SLC38A6: variants seen among roughly 807,000 people sequenced by gnomAD.
SLC38A6 encodes N system amino acid transporter NAT-1.
In SLC38A6, 73 loss-of-function variants were observed where a neutral mutation model predicts 65.0. That is an observed-to-expected ratio of 1.12 (90% CI 0.93 to 1.37). The LOEUF is 1.37. Ranked by LOEUF, SLC38A6 falls within the 40% of genes most tolerant of loss-of-function variation. The pLI, the probability that SLC38A6 is intolerant of heterozygous loss-of-function variation, is 0.00. For missense variants in SLC38A6, 561 were observed against 531.1 expected (o/e 1.06, Z -0.55); for synonymous variants, 183 against 178.8 (o/e 1.02, Z -0.19).
At position 61,075,777 on chromosome 14, in the gene SLC38A6, TTGTGTGTGTGTGTGTGTGTGTGTGTG is replaced by T. The variant is rs57421102; in HGVS notation, c.1291-3003_1291-2978del. Among the ~76,000 whole-genome samples the T allele has an allele frequency of 3.9e-4, 48 of 123,392 alleles. 1 individual carries two copies. Among genetic ancestry groups the T allele is most frequent in the East Asian group, 1.5e-3 (6 of 4,066 alleles). 80.9% of individuals were successfully genotyped at this position (123,392 alleles called of 152,430 possible). On this transcript the variant is annotated intron_variant, in intron 15 of 16. Transcript: ENST00000354886. ...AAGAACGTGCCATAGATCAACCTGT[TTGTGTGTGTGTGTGTGTGTGTGTGTG>T]TGTGTGTGTGTGTGTGTGTGTGTGT...
intron 2 of SLC38A6, among the ~76,000 whole-genome samples, chr14:60,983,265 C>CG (rs1182071441): frequency 1.3e-5 from 2 of 152,090 alleles, no homozygotes; most frequent in Non-Finnish European, 2.9e-5. Context: ...TCAAGGCAGG[C>CG]GGATCACTGG....
intron 16 of SLC38A6, among the ~76,000 whole-genome samples, chr14:61,082,167 A>AC (rs1181103738): frequency 1.3e-5 from 2 of 151,994 alleles, no homozygotes; most frequent in African/African-American, 2.4e-5. Flanking sequence ...CCCCCGCACC[A>AC]CCCTCACCTA....
At chr14:61,075,330 AGCCTTAT>A (rs1260385641) in intron 15 of SLC38A6, among the ~76,000 whole-genome samples, 3 of 152,218 alleles carry the variant, frequency 2.0e-5, no homozygotes, top group Admixed American at 2.0e-4. Context: ...GAACACATAC[AGCCTTAT>A]GCTATCCAGG....
intron 15 of SLC38A6, among the ~76,000 whole-genome samples, chr14:61,065,260 T>TG (rs1167791246): frequency 4.6e-5 from 7 of 152,226 alleles, no homozygotes; most frequent in Non-Finnish European, 7.3e-5. Flanking sequence ...AGCACGTTAC[T>TG]GGATCAACCC....
At chr14:61,069,686 T>C (rs2043160101) in intron 15 of SLC38A6, among the ~76,000 whole-genome samples, 2 of 152,222 alleles carry the variant, frequency 1.3e-5, no homozygotes, top group African/African-American at 2.4e-5. Flanking sequence ...TATGATTATT[T>C]TGGTATACCA....
At chr14:61,057,920 A>T (rs1307415241) in intron 15 of SLC38A6, among the ~76,000 whole-genome samples, 1 of 135,646 alleles carries the variant, frequency 7.4e-6, no homozygotes, top group Admixed American at 7.4e-5. Flanking sequence ...AGGTGTTTGT[A>T]GTATTCTCTC....
chr14:61,077,545 A>T (rs191261414), intron 15 of SLC38A6, among the ~76,000 whole-genome samples: 9 of 152,364 alleles, frequency 5.9e-5, no homozygotes, highest in Admixed American at 2.6e-4. Context: ...TGATATATCA[A>T]AAGTCAGTAA....
In SLC38A6 at chr14:61,043,061, T is replaced by C. The variant is rs1051562582; in HGVS notation, c.625-86T>C. On this transcript the variant is annotated intron_variant, in intron 8 of 15. Transcript: ENST00000267488. ...ACTCTTCTATTAGCATCTTATTTAA[T>C]TGAAATGATACTGACCTATTTCAAT... is the stretch of plus-strand genomic sequence containing the variant. 1.3e-5 allele frequency: 11 copies of C among 836,236 alleles called. No homozygotes were observed. In the East Asian group the frequency reaches 1.4e-4, roughly 11 times the overall value. The allele number at this position is 836,236 out of a possible 1,614,324, so 51.8% of individuals were successfully genotyped here.
At chr14:61,082,895 T>C (rs145293438) in intron 16 of SLC38A6, among the ~76,000 whole-genome samples, 15 of 152,310 alleles carry the variant, frequency 9.8e-5, no homozygotes, top group African/African-American at 3.6e-4. Context: ...GGCTGTTTTA[T>C]TACAGTGTTT....
At chr14:60,993,628 C>T (rs143160125) in intron 3 of SLC38A6, among the ~76,000 whole-genome samples, 3,996 of 152,152 alleles carry the variant, frequency 0.026, 86 homozygotes, top group Middle Eastern at 0.041. Flanking sequence ...TTCTCCTGCC[C>T]AAGAGAAAAG....
rs548411224 is a variant in SLC38A6, at chr14:61,047,035, A to G, written c.925+868A>G. Among the ~76,000 whole-genome samples, 7 of 152,302 alleles carry G rather than the reference A, an allele frequency of 4.6e-5. No homozygotes were observed. The East Asian group carries it at 9.6e-4, about 21-fold the overall frequency. On this transcript the variant is annotated intron_variant, in intron 12 of 15. Transcript: ENST00000267488. The stretch of plus-strand genomic sequence containing the variant: ...TAAGACTTTTCTGTGTCAATAAGAT[A>G]CTGTAACAGGGTCTCTTGGGATCCA...
At chr14:61,006,543 A>C (rs1428103281) in intron 3 of SLC38A6, among the ~76,000 whole-genome samples, 4 of 152,362 alleles carry the variant, frequency 2.6e-5, no homozygotes, top group African/African-American at 9.6e-5. Context: ...TCAAAAGAAG[A>C]CATTTATGCA....
chr14:61,062,531 T>G (rs1234059706), intron 15 of SLC38A6, among the ~76,000 whole-genome samples: 1 of 152,176 alleles, frequency 6.6e-6, no homozygotes, highest in Non-Finnish European at 1.5e-5. Flanking sequence ...CTTGCTATGT[T>G]GCCCCGACTG....
intron 3 of SLC38A6, among the ~76,000 whole-genome samples, chr14:61,009,098 C>G (rs1391586468): frequency 6.6e-6 from 1 of 152,160 alleles, no homozygotes; most frequent in African/African-American, 2.4e-5. Context: ...AAGGTTACTT[C>G]TTTAAATTTA....
chr14:61,048,076 A>G (rs2042272128), intron 12 of SLC38A6: 2 of 439,526 alleles, frequency 4.6e-6, no homozygotes, highest in Non-Finnish European at 9.0e-6. Flanking sequence ...CCAAAGACAG[A>G]AGAGGCAGAT....
intron 6 of SLC38A6, chr14:61,034,033 G>A (rs1428321040): frequency 1.3e-5 from 2 of 152,270 alleles, no homozygotes; most frequent in South Asian, 4.1e-4. Context: ...ATAAAATGAA[G>A]TTGTTGAGCC....
At chr14:61,002,159 A>G (rs1256113750) in intron 3 of SLC38A6, 1 of 152,222 alleles carries the variant, frequency 6.6e-6, no homozygotes, top group Admixed American at 6.5e-5. Flanking sequence ...CCTCTGTGCC[A>G]TGAGAAAGAA....
At chr14:61,025,887 C>G (rs1183268765) in intron 5 of SLC38A6, among the ~76,000 whole-genome samples, 1 of 152,094 alleles carries the variant, frequency 6.6e-6, no homozygotes, top group Non-Finnish European at 1.5e-5. Context: ...TGACTAAAAA[C>G]ATGTTTGAAA....
intron 3 of SLC38A6, among the ~76,000 whole-genome samples, chr14:61,004,899 G>T (rs2038978097): frequency 1.3e-5 from 2 of 152,086 alleles, no homozygotes; most frequent in Non-Finnish European, 2.9e-5. Context: ...GAGAATTTTA[G>T]ACCAATATCC....
Sources: allele counts gnomAD v4.1 joint callset (sites outside exome capture counted in the v4.1 genomes callset), GRCh38; gene constraint gnomAD v4.1.1; transcripts MANE v1.5; gene names NCBI Gene and HGNC (gene_info 2026-07-23, HGNC 2026-07-21).